The following DDX11 variants were observed in gnomAD, a reference collection of about 807,000 sequenced individuals.
DDX11 encodes the protein DEAD/H-box helicase 11, also known as ATP-dependent DNA helicase DDX11.
Under a neutral mutation model 125.2 loss-of-function variants are expected in DDX11, and 72 were observed. The ratio of observed to expected loss-of-function variants is 0.58; its 90% CI spans 0.48 to 0.70. The LOEUF (loss-of-function observed/expected upper bound fraction) is 0.70, where lower values mean the gene tolerates loss of function less well. Among genes scored for constraint, DDX11 ranks in the 30% least tolerant of loss-of-function variants. The pLI is 0.00. For missense variants in DDX11, 883 were observed against 1,165.0 expected (o/e 0.76, Z 3.52); for synonymous variants, 347 against 452.6 (o/e 0.77, Z 2.96).
At chr12:31,081,027 G>C (rs183856883) in intron 2 of DDX11, among the ~76,000 whole-genome samples, 83 of 152,290 alleles carry the variant, frequency 5.5e-4, no homozygotes, top group Admixed American at 5.4e-3. Context: ...TTACAGGCAT[G>C]AGCCACTGTA....
chr12:31,097,455 C>T (rs1403312999), intron 17 of DDX11, among the ~76,000 whole-genome samples: 3 of 143,864 alleles, frequency 2.1e-5, no homozygotes, highest in South Asian at 2.3e-4. Context: ...TGAGGGGGGG[C>T]GGATCGTGAG....
In DDX11 at chr12:31,104,207, G is replaced by T. The variant is rs574742696; in HGVS notation, c.*371G>T. ...TCCGTCCTGCCCACCTTCTTAAGAG[G>T]CGAGATGGAGCAGGCCCATCTGCCT... On this transcript the variant is annotated 3_prime_UTR_variant, in exon 27 of 27. Transcript: ENST00000542838. 2.9e-5 allele frequency: 28 copies of T among 979,782 alleles called. No individual in the cohort carries two copies. In the East Asian group the frequency reaches 7.0e-4, roughly 24 times the overall value. 60.7% of individuals were successfully genotyped at this position (979,782 alleles called of 1,614,324 possible).
In DDX11 at chr12:31,101,994, G is replaced by A. The variant is rs1313858940; in HGVS notation, c.2202+12G>A. ...CTGCCAGGAAGAAGGTGAGTGGCCTGTCGGCAGCCTTCCCACTTGTGAGGA... is the reference window on the plus strand; with the variant it reads ...CTGCCAGGAAGAAGGTGAGTGGCCTATCGGCAGCCTTCCCACTTGTGAGGA... On this transcript the variant is annotated intron_variant, in intron 21 of 26. Transcript: ENST00000542838. 2 of 1,609,532 alleles carry A rather than the reference G, an allele frequency of 1.2e-6. No homozygotes were observed. The highest frequency in any genetic ancestry group is 1.7e-6 in the Non-Finnish European group (2 of 1,178,398).
chr12:31,094,979 C>T (rs1944963310), intron 14 of DDX11, among the ~76,000 whole-genome samples, 157 bp downstream of exon 14: 2 of 152,306 alleles, frequency 1.3e-5, no homozygotes, highest in African/African-American at 2.4e-5. Context: ...CAAAAGTCAT[C>T]TTCTTTTAGA....
Position 31,083,901 on chromosome 12 carries a change from A to G in DDX11, c.233A>G (p.Glu78Gly), listed in dbSNP as rs373242028. ...KKREEEARLL[E>G]TGTGPLHDEK... The stretch of plus-strand genomic sequence containing the variant: ...CGTGAAGAAGAGGCACGACTCCTTG[A>G]AACTGGAACTGGCCCCTTACATGAT... Residue 78 changes from glutamate (E) to glycine (G), a missense_variant, in exon 3 of 27, where the codon GAA becomes GGA. Glu to Gly is a moderately conservative substitution (Grantham distance 98, BLOSUM62 -2). Transcript: ENST00000542838. The G allele has an allele frequency of 3.6e-4, 576 of 1,613,676 alleles. No individual in the cohort carries two copies. The highest frequency in any genetic ancestry group is 4.3e-4 in the Non-Finnish European group (512 of 1,179,876).
intron 3 of DDX11, 82 bp from the exon 4 acceptor site, chr12:31,084,501 C>G: frequency 7.9e-7 from 1 of 1,270,270 alleles, no homozygotes. Context: ...GAGGAGGCGC[C>G]GGGCTGAGTG....
In DDX11 at chr12:31,096,354, G is replaced by A. The variant is rs1945225809; in HGVS notation, c.1496G>A (p.Cys499Tyr). The change falls in exon 15 of 27, where the codon TGT (cysteine) becomes TAT (tyrosine). Residue 499 changes from cysteine to tyrosine, a missense_variant. Cys to Tyr is a radical substitution (Grantham distance 194). Transcript: ENST00000542838. ...TGGTTTTTGCAGGTGCAGCGATACT[G>A]TGAGAAGAGCATGATCAGCAGAAAG... ...NINLFKVQRY[C>Y]EKSMISRKLF... is the part of the protein sequence containing the mutation. 2 of 1,612,856 alleles carry A rather than the reference G, an allele frequency of 1.2e-6. No individual in the cohort carries two copies. The highest frequency in any genetic ancestry group is 1.7e-6 in the Non-Finnish European group (2 of 1,179,690).
chr12:31,091,153 A>C (rs1358963158), intron 9 of DDX11: 1 of 152,262 alleles, frequency 6.6e-6, no homozygotes, highest in Non-Finnish European at 1.5e-5. Flanking sequence ...TTTATTTTTT[A>C]TATGAGTATT....
At chr12:31,093,955 C>T (rs544663394) in intron 12 of DDX11, among the ~76,000 whole-genome samples, 2,043 of 149,332 alleles carry the variant, frequency 0.014, 52 homozygotes, top group African/African-American at 0.049. Context: ...TTGTTCGAAG[C>T]ACTTGCATAT....
At position 31,103,105 on chromosome 12, in the gene DDX11, G is replaced by A; in HGVS notation, c.2457+85G>A. ...TCACCCCCAGGGCTGATACAGCCAGGCCTTCCCCGCTGCGCTGGCGTCTCC... is the reference window on the plus strand; with the variant it reads ...TCACCCCCAGGGCTGATACAGCCAGACCTTCCCCGCTGCGCTGGCGTCTCC... On this transcript the variant is annotated intron_variant, in intron 24 of 26. Coordinates refer to ENST00000542838, the MANE Select transcript of DDX11 (RefSeq NM_030653.4). The A allele has an allele frequency of 2.0e-6, 3 of 1,511,732 alleles. No homozygotes were observed. In the South Asian group the frequency reaches 3.4e-5, roughly 17 times the overall value. 93.6% of individuals were successfully genotyped at this position (1,511,732 alleles called of 1,614,324 possible).
intron 14 of DDX11, among the ~76,000 whole-genome samples, chr12:31,096,018 CTTT>C (rs10587699): frequency 0.53 from 80,119 of 150,148 alleles, 22,433 homozygotes; most frequent in East Asian, 0.81. Flanking sequence ...ATAGAAGTTC[CTTT>C]TTTTTTTTTA....
chr12:31,097,448 G>C (rs548808646), intron 17 of DDX11, among the ~76,000 whole-genome samples: 74 of 35,046 alleles, frequency 2.1e-3, no homozygotes, highest in Non-Finnish European at 6.6e-4. Flanking sequence ...GGGAGGCTGA[G>C]GGGGGGCGGA....
At chr12:31,079,841 G>A (rs1592581390) in intron 2 of DDX11, among the ~76,000 whole-genome samples, 1 of 151,862 alleles carries the variant, frequency 6.6e-6, no homozygotes, top group African/African-American at 2.4e-5. Context: ...TTTTTAACAT[G>A]CATTTTGGTG....
At chr12:31,099,052 A>G (rs1945847767) in intron 18 of DDX11, among the ~76,000 whole-genome samples, 2 of 140,222 alleles carry the variant, frequency 1.4e-5, no homozygotes, top group East Asian at 2.1e-4. Flanking sequence ...TGTTTTCAGA[A>G]TGAATCCATA....
chr12:31,081,283 C>G (rs566405776), intron 2 of DDX11, among the ~76,000 whole-genome samples: 3 of 152,322 alleles, frequency 2.0e-5, no homozygotes, highest in Non-Finnish European at 4.4e-5. Flanking sequence ...TTTCTCCTGT[C>G]CTGGGTGTCC....
chr12:31,090,565 G>A (rs1944029703), intron 9 of DDX11, among the ~76,000 whole-genome samples: 1 of 152,114 alleles, frequency 6.6e-6, no homozygotes, highest in Non-Finnish European at 1.5e-5. Flanking sequence ...TGCAGCACGT[G>A]AGAATACTGT....
intron 2 of DDX11, among the ~76,000 whole-genome samples, chr12:31,081,158 G>A (rs1941850812): frequency 6.6e-6 from 1 of 152,148 alleles, no homozygotes; most frequent in Admixed American, 6.5e-5. Flanking sequence ...TTTAATTGTC[G>A]ATGTTTCTGG....
rs1304333123 is a variant in DDX11, at chr12:31,100,631, A to G, written c.1876-4A>G. ...GGCCGTGACGCTGTGGCCTTGGTCT[A>G]CAGGTGTCTGACTTCCGGCAGCAGC... On this transcript the variant is annotated splice_polypyrimidine_tract_variant and splice_region_variant and intron_variant, in intron 18 of 26. Transcript: ENST00000542838. 5.8e-6 allele frequency: 9 copies of G among 1,551,980 alleles called. No individual in the cohort carries two copies. Among genetic ancestry groups the G allele is most frequent in the African/African-American group, 1.4e-5 (1 of 73,068 alleles).
chr12:31,087,255 A>C (rs1259264743), intron 5 of DDX11, among the ~76,000 whole-genome samples: 1 of 149,296 alleles, frequency 6.7e-6, no homozygotes, highest in East Asian at 2.1e-4. Context: ...TCGATTGGTC[A>C]GTTGTAGCTT....
Sources: allele counts gnomAD v4.1 joint callset (sites outside exome capture counted in the v4.1 genomes callset), GRCh38; gene constraint gnomAD v4.1.1; transcripts MANE v1.5; gene names NCBI Gene and HGNC (gene_info 2026-07-23, HGNC 2026-07-21).